SUV39H1: variants seen among roughly 807,000 people sequenced by gnomAD.
The protein encoded by SUV39H1 is SUV39H1 histone lysine methyltransferase.
For synonymous variants in SUV39H1, 141 were observed against 150.5 expected (o/e 0.94, Z 0.46); for missense variants, 180 against 386.3 (o/e 0.47, Z 4.48).
intron 3 of SUV39H1, among the ~76,000 whole-genome samples, chrX:48,706,050 G>T (rs782144047): frequency 8.9e-6 from 1 of 112,933 alleles, no homozygotes; most frequent in South Asian, 3.6e-4. Flanking sequence ...CACCGCCAGG[G>T]ACTCCTCCTG....
chrX:48,705,061 C>G (rs1243193643), intron 3 of SUV39H1, among the ~76,000 whole-genome samples: 1 of 112,296 alleles, frequency 8.9e-6, no homozygotes, highest in African/African-American at 3.2e-5. Flanking sequence ...GCATGGAACA[C>G]AGCCTTGAGG....
chrX:48,700,058 C>A (rs782795256), intron 2 of SUV39H1, 33 bp from the exon 3 acceptor site: 1 of 1,110,487 alleles, frequency 9.0e-7, no homozygotes. Context: ...TCACTACTTA[C>A]GGTACCCCCG....
At chrX:48,702,123 G>A (rs1459685613) in intron 3 of SUV39H1, among the ~76,000 whole-genome samples, 1 of 112,390 alleles carries the variant, frequency 8.9e-6, no homozygotes, top group Non-Finnish European at 1.9e-5. Context: ...AGATAACCCT[G>A]CTGGCCTGCT....
Position 48,707,923 on chromosome X carries a change from C to T in SUV39H1, c.*353C>T, listed in dbSNP as rs2062496996. ...AATATATTTGTTTTTGCACCTGCTT[C>T]TGCCTGGAGATTGAGGGGTCTGCTG... On this transcript the variant is annotated 3_prime_UTR_variant, in exon 6 of 6. Transcript: ENST00000376687. 3.5e-6 allele frequency: 1 copy of T among 289,623 alleles called. No homozygotes were observed. The highest frequency in any genetic ancestry group is 6.6e-6 in the Non-Finnish European group (1 of 150,708). The allele number at this position is 289,623 out of a possible 1,213,427, so 23.9% of individuals were successfully genotyped here.
chrX:48,696,530 G>A (rs951165711), upstream of SUV39H1: 3 of 305,626 alleles, frequency 9.8e-6, no homozygotes, highest in Admixed American at 7.0e-5. Context: ...AGGGCCTCTG[G>A]CAACTTTAGC....
In SUV39H1 at chrX:48,700,438, C is replaced by T. The variant is rs1557009265; in HGVS notation, c.513C>T (p.Gly171=). The change falls in exon 3 of 6, where the codon GGC becomes GGT. Residue 171 remains glycine, a synonymous_variant. Transcript: ENST00000376687. ...VYINEYRVGE[G]ITLNQVAVGC... ...TCAATGAGTACCGTGTTGGTGAGGG[C>T]ATCACCCTCAACCAGGTGGCTGTGG... 1 of 1,212,161 alleles carries T rather than the reference C, an allele frequency of 8.2e-7. No homozygotes were observed. The highest frequency in any genetic ancestry group is 2.2e-5 in the Admixed American group (1 of 46,147).
intron 3 of SUV39H1, among the ~76,000 whole-genome samples, chrX:48,705,109 T>C (rs782049325): frequency 9.0e-6 from 1 of 111,435 alleles, no homozygotes; most frequent in African/African-American, 3.3e-5. Context: ...CCATCCTAGC[T>C]AAGGAGATGG....
chrX:48,698,514 C>T (rs1234856951), intron 1 of SUV39H1, among the ~76,000 whole-genome samples: 1 of 111,545 alleles, frequency 9.0e-6, no homozygotes, highest in African/African-American at 3.3e-5. Context: ...CCTCGGGGCA[C>T]TGCATCCTAC....
At chrX:48,706,769 C>T (rs1377995626) in intron 5 of SUV39H1, 142 bp downstream of exon 5, 10 of 756,987 alleles carry the variant, frequency 1.3e-5, no homozygotes, top group Non-Finnish European at 1.5e-5. Flanking sequence ...ACTCCCAGTC[C>T]CCCATTCGGA....
At chrX:48,698,544 C>CT (rs1277459394) in intron 1 of SUV39H1, among the ~76,000 whole-genome samples, 1 of 111,586 alleles carries the variant, frequency 9.0e-6, no homozygotes, top group African/African-American at 3.3e-5. Context: ...GGGTTGTTCT[C>CT]TTTCTTTTGC....
At chrX:48,704,952 G>A (rs1326339229) in intron 3 of SUV39H1, among the ~76,000 whole-genome samples, 2 of 112,306 alleles carry the variant, frequency 1.8e-5, no homozygotes, top group African/African-American at 3.2e-5. Flanking sequence ...AAGGGAGCCA[G>A]GTTCCTCAAG....
chrX:48,700,078 C>A lies in SUV39H1; in HGVS notation c.166-13C>A. Reference sequence around the variant, plus strand: ...ACTTACGGTACCCCCGTCCCCCTACCCACCCCCAACAGGAACAGGAATATT... The same window carrying A: ...ACTTACGGTACCCCCGTCCCCCTACACACCCCCAACAGGAACAGGAATATT... On this transcript the variant is annotated splice_polypyrimidine_tract_variant and intron_variant, in intron 2 of 5. Coordinates refer to ENST00000376687, the MANE Select transcript of SUV39H1 (RefSeq NM_003173.4). 8.6e-7 allele frequency: 1 copy of A among 1,161,892 alleles called. No individual in the cohort carries two copies. Among genetic ancestry groups the A allele is most frequent in the Non-Finnish European group, 1.2e-6 (1 of 865,439 alleles).
rs1557010122 is a variant in SUV39H1 at position 48,706,311 on chromosome X, G to A, written c.875G>A (p.Arg292His). 21 of 1,210,532 alleles carry A rather than the reference G, an allele frequency of 1.7e-5. 1 individual carries two copies. Among genetic ancestry groups the A allele is most frequent in the Middle Eastern group, 2.3e-4 (1 of 4,373 alleles). ...EAERRGQIYD[R>H]QGATYLFDLD... is the part of the protein sequence containing the mutation. ...GAGCGGCGGGGCCAGATCTACGACC[G>A]TCAGGGCGCCACCTACCTCTTTGAC... The change falls in exon 4 of 6, where the codon CGT becomes CAT. Residue 292 changes from arginine to histidine, a missense_variant. By Grantham distance (29) the Arg-to-His change is conservative. Coordinates refer to ENST00000376687, the MANE Select transcript of SUV39H1 (RefSeq NM_003173.4).
In SUV39H1 at chrX:48,708,875, A is replaced by G. The variant is rs1004866175; in HGVS notation, c.*1305A>G. On this transcript the variant is annotated 3_prime_UTR_variant, in exon 6 of 6. Coordinates refer to ENST00000376687, the MANE Select transcript of SUV39H1 (RefSeq NM_003173.4). ...TGCCCTGCTATCAGATGCCAGATCT[A>G]TGTGTCTGTCTGTGTGTCCATCCCG... is the stretch of plus-strand genomic sequence containing the variant. 4.5e-5 allele frequency: 5 copies of G among 110,876 alleles called. No homozygotes were observed. Among genetic ancestry groups the G allele is most frequent in the African/African-American group, 6.6e-5 (2 of 30,399 alleles). 9.1% of individuals were successfully genotyped at this position (110,876 alleles called of 1,213,427 possible).
chrX:48,697,211 A>G (rs1432112722), intron 1 of SUV39H1, among the ~76,000 whole-genome samples: 1 of 111,570 alleles, frequency 9.0e-6, no homozygotes, highest in Non-Finnish European at 1.9e-5. Context: ...CCCCCCCTTC[A>G]GAGTGCGGGG....
In SUV39H1 at chrX:48,696,747, G is replaced by A. The variant is rs2062456875; in HGVS notation, c.-38G>A. The A allele has an allele frequency of 1.8e-6, 2 of 1,135,427 alleles. No homozygotes were observed. The highest frequency in any genetic ancestry group is 2.3e-6 in the Non-Finnish European group (2 of 858,046). 93.6% of individuals were successfully genotyped at this position (1,135,427 alleles called of 1,213,427 possible). A position where few individuals can be genotyped will look rare whatever the true frequency, so the allele number is the denominator to read the frequency against. On this transcript the variant is annotated 5_prime_UTR_variant, in exon 1 of 6. Transcript: ENST00000376687. Reference sequence around the variant, plus strand: ...GCCCGCGCGAGCGCTCTTCTCGCGAGGCCGGCTAGGCCCGAATGTCGTTAG... The same window carrying A: ...GCCCGCGCGAGCGCTCTTCTCGCGAAGCCGGCTAGGCCCGAATGTCGTTAG...
chrX:48,704,757 ATCTG>A (rs1208899325), intron 3 of SUV39H1, among the ~76,000 whole-genome samples: 1 of 111,429 alleles, frequency 9.0e-6, no homozygotes, highest in Non-Finnish European at 1.9e-5. Flanking sequence ...GGGTGTGTGA[ATCTG>A]TCTCTCTGTG....
At chrX:48,701,259 C>A (rs1410394390) in intron 3 of SUV39H1, among the ~76,000 whole-genome samples, 3 of 112,218 alleles carry the variant, frequency 2.7e-5, no homozygotes, top group African/African-American at 9.7e-5. Context: ...ACTTTCAGGA[C>A]ACTGGGGAAG....
At chrX:48,697,305 A>G (rs968754473) in intron 1 of SUV39H1, among the ~76,000 whole-genome samples, 1 of 111,637 alleles carries the variant, frequency 9.0e-6, no homozygotes, top group Non-Finnish European at 1.9e-5. Flanking sequence ...AGAAGAGAGA[A>G]ATGGGGCCTT....
Sources: gnomAD v4.1 joint callset for allele counts (sites outside exome capture counted in the v4.1 genomes callset) on GRCh38, gnomAD v4.1.1 for gene constraint, MANE v1.5 for transcripts, NCBI Gene and HGNC (gene_info 2026-07-23, HGNC 2026-07-21) for gene names.